The following RGS6 variants were observed in gnomAD, a reference collection of about 807,000 sequenced individuals.
RGS6 encodes regulator of G protein signaling 6, also known as regulator of G-protein signaling 6.
RGS6 carries 30 observed loss-of-function variants against 78.5 expected under a neutral mutation model. That is an observed-to-expected ratio of 0.38 (90% CI 0.29 to 0.52). The LOEUF (loss-of-function observed/expected upper bound fraction) is 0.52, where lower values mean the gene tolerates loss of function less well. Among genes scored for constraint, RGS6 ranks in the 20% least tolerant of loss-of-function variants. The pLI is 0.85. For synonymous variants in RGS6, 206 were observed against 206.0 expected, an observed-to-expected ratio of 1.00 and a Z score of 0.00; for missense variants, 495 against 609.7, an observed-to-expected ratio of 0.81 and a Z score of 1.98.
chr14:72,322,115 AC>A (rs768447575), intron 2 of RGS6, among the ~76,000 whole-genome samples: 1 of 152,076 alleles, frequency 6.6e-6, no homozygotes, highest in Non-Finnish European at 1.5e-5. Context: ...AAATTAATGA[AC>A]AAAAAATAAA....
At chr14:72,200,973 A>G (rs1277777782) in intron 2 of RGS6, among the ~76,000 whole-genome samples, 2 of 54,068 alleles carry the variant, frequency 3.7e-5, no homozygotes, top group East Asian at 4.5e-4. Flanking sequence ...AAAAAAAAAA[A>G]AAAAAAAAAA....
At chr14:72,137,483 C>G (rs1567286727) in intron 2 of RGS6, among the ~76,000 whole-genome samples, 2 of 152,214 alleles carry the variant, frequency 1.3e-5, no homozygotes. Context: ...ACTTAAAATG[C>G]CAATCGCAAG....
intron 17 of RGS6, chr14:72,540,693 T>C: frequency 2.2e-6 from 3 of 1,368,160 alleles, no homozygotes; most frequent in Non-Finnish European, 1.9e-6. Context: ...CAGCCTCATG[T>C]GCACAGTGTG....
At chr14:72,516,194 T>C (rs1466192808) in intron 14 of RGS6, among the ~76,000 whole-genome samples, 1 of 152,252 alleles carries the variant, frequency 6.6e-6, no homozygotes, top group African/African-American at 2.4e-5. Flanking sequence ...GACATGGCCT[T>C]CCAGGCAGAG....
At chr14:72,529,381 T>C (rs1032865828) in intron 15 of RGS6, among the ~76,000 whole-genome samples, 1 of 152,194 alleles carries the variant, frequency 6.6e-6, no homozygotes, top group Non-Finnish European at 1.5e-5. Context: ...AGCAGTGGGA[T>C]TGGTGTGGTG....
At chr14:72,001,260 T>C (rs969319367) in intron 2 of RGS6, among the ~76,000 whole-genome samples, 1 of 152,206 alleles carries the variant, frequency 6.6e-6, no homozygotes, top group Non-Finnish European at 1.5e-5. Flanking sequence ...CTTTGAAATC[T>C]CAGAGGTTAC....
At chr14:72,424,887 G>T (rs1240958847) in intron 3 of RGS6, among the ~76,000 whole-genome samples, 1 of 152,146 alleles carries the variant, frequency 6.6e-6, no homozygotes, top group Non-Finnish European at 1.5e-5. Flanking sequence ...TGGGGTTTCT[G>T]CATATTTCAG....
chr14:72,159,025 A>G (rs1413565684), intron 2 of RGS6, among the ~76,000 whole-genome samples: 3 of 152,240 alleles, frequency 2.0e-5, no homozygotes, highest in Non-Finnish European at 4.4e-5. Context: ...AATACCTAAT[A>G]TAGTGCTTAG....
intron 6 of RGS6, among the ~76,000 whole-genome samples, chr14:72,465,055 G>C (rs1440628594): frequency 2.0e-5 from 3 of 152,202 alleles, no homozygotes; most frequent in African/African-American, 7.2e-5. Flanking sequence ...GAGGTTGCCA[G>C]ATAGAGGGAA....
At chr14:72,506,053 G>C (rs576312410) in intron 13 of RGS6, among the ~76,000 whole-genome samples, 1 of 152,206 alleles carries the variant, frequency 6.6e-6, no homozygotes, top group Non-Finnish European at 1.5e-5. Context: ...ACAAATAAGA[G>C]TTAGAAAAAG....
intron 2 of RGS6, among the ~76,000 whole-genome samples, chr14:72,257,564 T>G (rs1480573090): frequency 6.6e-6 from 1 of 152,202 alleles, no homozygotes; most frequent in Non-Finnish European, 1.5e-5. Context: ...ATTTATGTGA[T>G]GTGTTCACTA....
At chr14:71,954,140 T>G (rs1354890716) in intron 1 of RGS6, among the ~76,000 whole-genome samples, 2 of 151,848 alleles carry the variant, frequency 1.3e-5, no homozygotes, top group East Asian at 1.9e-4. Flanking sequence ...TATACCTAGA[T>G]GTAGTTTTTC....
At chr14:72,430,923 G>A (rs2094604425) in intron 3 of RGS6, among the ~76,000 whole-genome samples, 1 of 152,142 alleles carries the variant, frequency 6.6e-6, no homozygotes, top group Non-Finnish European at 1.5e-5. Flanking sequence ...ACATTCCTTT[G>A]TTCTGCTCTG....
intron 12 of RGS6, among the ~76,000 whole-genome samples, chr14:72,491,761 G>C (rs1548687): frequency 6.6e-6 from 1 of 152,174 alleles, no homozygotes; most frequent in East Asian, 1.9e-4. Context: ...GGGCAGAAGT[G>C]ATGTGACAAA....
At chr14:72,359,117 G>A (rs1400158957) in intron 3 of RGS6, among the ~76,000 whole-genome samples, 2 of 152,146 alleles carry the variant, frequency 1.3e-5, no homozygotes, top group Non-Finnish European at 2.9e-5. Context: ...ATGATTGTAA[G>A]TTTACTGAGG....
intron 2 of RGS6, among the ~76,000 whole-genome samples, chr14:72,344,459 C>T (rs565600377): frequency 2.2e-4 from 33 of 152,212 alleles, no homozygotes; most frequent in Non-Finnish European, 3.7e-4. Context: ...GGAATCCATT[C>T]GCAAAGCAAA....
At chr14:71,944,242 A>G (rs1199689952) in intron 1 of RGS6, among the ~76,000 whole-genome samples, 2 of 152,202 alleles carry the variant, frequency 1.3e-5, no homozygotes, top group African/African-American at 2.4e-5. Flanking sequence ...CAAAATAACA[A>G]TCAGCATTTG....
At chr14:72,188,880 C>T (rs1040212453) in intron 2 of RGS6, among the ~76,000 whole-genome samples, 3 of 152,316 alleles carry the variant, frequency 2.0e-5, no homozygotes, top group African/African-American at 4.8e-5. Flanking sequence ...AGAAAACTCT[C>T]ACAGAGCAGA....
chr14:71,881,228 C>T, the RGS6 span, among the ~76,000 whole-genome samples: 2 of 152,172 alleles, frequency 1.3e-5, no homozygotes, highest in East Asian at 3.9e-4. Flanking sequence ...ATTTTACAGG[C>T]TCATAGGCAG....
Sources: gnomAD v4.1 joint callset for allele counts (sites outside exome capture counted in the v4.1 genomes callset) on GRCh38, gnomAD v4.1.1 for gene constraint, MANE v1.5 for transcripts, NCBI Gene and HGNC (gene_info 2026-07-23, HGNC 2026-07-21) for gene names.